The following MAGI1 variants were observed in gnomAD, a reference collection of about 807,000 sequenced individuals.
The protein encoded by MAGI1 is membrane-associated guanylate kinase, WW and PDZ domain-containing protein 1.
In MAGI1, 58 loss-of-function variants were observed where a neutral mutation model predicts 139.9. The ratio of observed to expected loss-of-function variants is 0.41; its 90% CI spans 0.34 to 0.52. The LOEUF (loss-of-function observed/expected upper bound fraction) is 0.52, where lower values mean the gene tolerates loss of function less well. Among genes scored for constraint, MAGI1 ranks in the 20% least tolerant of loss-of-function variants. The pLI is 0.12. For synonymous variants in MAGI1, 812 were observed against 737.9 expected, an observed-to-expected ratio of 1.10 and a Z score of -1.63; for missense variants, 1,874 against 1,901.6, an observed-to-expected ratio of 0.99 and a Z score of 0.27.
chr3:65,753,597 T>C (rs2036329600), intron 1 of MAGI1, among the ~76,000 whole-genome samples: 1 of 151,388 alleles, frequency 6.6e-6, no homozygotes, highest in Non-Finnish European at 1.5e-5. Context: ...GGCACATGCC[T>C]GTAATCCCAG....
chr3:65,376,902 C>T (rs1387376104), intron 17 of MAGI1, among the ~76,000 whole-genome samples: 1 of 152,176 alleles, frequency 6.6e-6, no homozygotes, highest in Admixed American at 6.5e-5. Flanking sequence ...TCATTGCTAA[C>T]TTCTAGAGAG....
chr3:65,472,328 G>A (rs1950604043), intron 4 of MAGI1, among the ~76,000 whole-genome samples: 1 of 152,258 alleles, frequency 6.6e-6, no homozygotes, highest in Non-Finnish European at 1.5e-5. Flanking sequence ...AGAATCACCT[G>A]GAGAGATTGT....
At chr3:65,477,328 T>C (rs1422794231) in intron 4 of MAGI1, among the ~76,000 whole-genome samples, 5 of 152,212 alleles carry the variant, frequency 3.3e-5, no homozygotes, top group African/African-American at 4.8e-5. Flanking sequence ...AAATATTCTG[T>C]TAGAGTTGGT....
chr3:65,782,702 A>T (rs1411977994), intron 1 of MAGI1, among the ~76,000 whole-genome samples: 1 of 150,478 alleles, frequency 6.6e-6, no homozygotes, highest in East Asian at 2.0e-4. Context: ...ATACTGAAGG[A>T]CTCTGTTTAG....
intron 1 of MAGI1, among the ~76,000 whole-genome samples, chr3:65,796,494 G>A (rs1293301093): frequency 2.0e-5 from 3 of 152,102 alleles, no homozygotes; most frequent in Non-Finnish European, 2.9e-5. Context: ...TGGGCTTTTG[G>A]TCACTAAGCA....
chr3:65,426,277 T>C (rs997410715), intron 12 of MAGI1, among the ~76,000 whole-genome samples: 5 of 152,144 alleles, frequency 3.3e-5, no homozygotes, highest in African/African-American at 9.7e-5. Flanking sequence ...CATTTACAAA[T>C]GATATTTCAA....
chr3:65,797,138 A>C lies in MAGI1; in HGVS notation c.314-175050T>G, dbSNP rs1436941521. Among the ~76,000 whole-genome samples the C allele has an allele frequency of 2.0e-5, 3 of 152,244 alleles. No individual in the cohort carries two copies. In the East Asian group the frequency reaches 5.8e-4, roughly 29 times the overall value. On this transcript the variant is annotated intron_variant, in intron 1 of 22. Transcript: ENST00000402939. ...CTAGTCACTTTTAAGTGTTTGGAAAAAAATATTAAAGTCCTCAGTCTCTGA... is the reference window on the plus strand; with the variant it reads ...CTAGTCACTTTTAAGTGTTTGGAAACAAATATTAAAGTCCTCAGTCTCTGA...
At chr3:65,898,628 A>T (rs1283768081) in intron 1 of MAGI1, among the ~76,000 whole-genome samples, 1 of 152,204 alleles carries the variant, frequency 6.6e-6, no homozygotes, top group Non-Finnish European at 1.5e-5. Flanking sequence ...AACACTTAGT[A>T]TACAAAGTCC....
At chr3:65,396,306 T>C (rs1944390644) in intron 13 of MAGI1, among the ~76,000 whole-genome samples, 1 of 152,180 alleles carries the variant, frequency 6.6e-6, no homozygotes, top group Non-Finnish European at 1.5e-5. Flanking sequence ...CATAGCCAAC[T>C]AGGAATATGG....
At chr3:65,884,566 GCTATCAAATGA>G (rs2060459652) in intron 1 of MAGI1, among the ~76,000 whole-genome samples, 3 of 152,106 alleles carry the variant, frequency 2.0e-5, no homozygotes, top group African/African-American at 7.2e-5. Flanking sequence ...AACTAATTTT[GCTATCAAATGA>G]ACAAAGATTT....
At chr3:65,440,832 C>A (rs910400071) in intron 8 of MAGI1, among the ~76,000 whole-genome samples, 5 of 77,710 alleles carry the variant, frequency 6.4e-5, no homozygotes, top group East Asian at 1.8e-3. Flanking sequence ...TACATGTATA[C>A]ATATACATAT....
intron 1 of MAGI1, among the ~76,000 whole-genome samples, chr3:65,899,816 A>ATTTAAATTTAAAT (rs2061144488): frequency 6.6e-6 from 1 of 152,212 alleles, no homozygotes; most frequent in South Asian, 2.1e-4. Context: ...TTAAAACTGG[A>ATTTAAATTTAAAT]TTAAGGAACC....
intron 1 of MAGI1, among the ~76,000 whole-genome samples, chr3:65,810,387 A>G (rs1420031978): frequency 2.0e-5 from 3 of 152,244 alleles, no homozygotes; most frequent in Admixed American, 6.5e-5. Context: ...CTCTACCCAG[A>G]AAAGTAATTC....
At chr3:65,648,142 T>C (rs2085365812) in intron 1 of MAGI1, among the ~76,000 whole-genome samples, 1 of 151,518 alleles carries the variant, frequency 6.6e-6, no homozygotes, top group Non-Finnish European at 1.5e-5. Context: ...CATCTGAAAA[T>C]GAATGTATTT....
chr3:65,719,930 G>C (rs1366272617), intron 1 of MAGI1: 1 of 152,128 alleles, frequency 6.6e-6, no homozygotes, highest in African/African-American at 2.4e-5. Flanking sequence ...CAAAACAAAT[G>C]CAACTTCTTA....
At chr3:65,698,758 A>G (rs1285098085) in intron 1 of MAGI1, among the ~76,000 whole-genome samples, 1 of 148,084 alleles carries the variant, frequency 6.8e-6, no homozygotes, top group East Asian at 2.0e-4. Flanking sequence ...CGTTAGACCT[A>G]AAACCATAAA....
intron 2 of MAGI1, among the ~76,000 whole-genome samples, chr3:65,566,492 G>C (rs1272743600): frequency 1.3e-5 from 2 of 151,720 alleles, no homozygotes; most frequent in Admixed American, 6.6e-5. Flanking sequence ...CATGTAAATG[G>C]CAGCAAAAGC....
At chr3:65,938,932 A>G (rs890684757) in intron 1 of MAGI1, among the ~76,000 whole-genome samples, 1 of 152,174 alleles carries the variant, frequency 6.6e-6, no homozygotes, top group Admixed American at 6.5e-5. Context: ...CATTGTAGGT[A>G]AACAGCAGGA....
At chr3:65,420,239 C>T (rs1178989148) in intron 12 of MAGI1, among the ~76,000 whole-genome samples, 1 of 152,110 alleles carries the variant, frequency 6.6e-6, no homozygotes, top group African/African-American at 2.4e-5. Context: ...CTTCAGCCAT[C>T]CCCATCCCCT....
Sources: allele counts gnomAD v4.1 joint callset (sites outside exome capture counted in the v4.1 genomes callset), GRCh38; gene constraint gnomAD v4.1.1; transcripts MANE v1.5; gene names NCBI Gene and HGNC (gene_info 2026-07-23, HGNC 2026-07-21).